DDX27: variants seen among roughly 807,000 people sequenced by gnomAD.
The protein encoded by DDX27 is probable ATP-dependent RNA helicase DDX27.
A neutral mutation model predicts 99.3 loss-of-function variants in DDX27; 42 were observed. The observed-to-expected ratio is 0.42, with a 90% CI of 0.33 to 0.55. DDX27 has a LOEUF of 0.55. DDX27 is among the 20% of genes least tolerant of loss of function. The probability of loss-of-function intolerance (pLI) is 0.07; values close to 1 mark genes in which losing one functional copy is unlikely to be tolerated. For synonymous variants in DDX27, 329 were observed against 353.8 expected, an observed-to-expected ratio of 0.93 and a Z score of 0.79; for missense variants, 798 against 976.8, an observed-to-expected ratio of 0.82 and a Z score of 2.44.
At chr20:49,224,570 A>C (rs1979808839) in intron 4 of DDX27, among the ~76,000 whole-genome samples, 1 of 151,972 alleles carries the variant, frequency 6.6e-6, no homozygotes, top group Non-Finnish European at 1.5e-5. Context: ...ACCATGTTGG[A>C]CAGGCTGGTC....
chr20:49,233,722 GGCAA>G lies in DDX27; in HGVS notation c.1273+16_1273+19del. The G allele has an allele frequency of 6.2e-7, 1 of 1,607,862 alleles. No individual in the cohort carries two copies. The highest frequency in any genetic ancestry group is 8.5e-7 in the Non-Finnish European group (1 of 1,175,606). ...GCCATCGTGGCAGGTGGCAGCACAG[GGCAA>G]GCCTGGGCAGGGTGGGCTGGTCAGC... On this transcript the variant is annotated intron_variant, in intron 11 of 20. Coordinates refer to ENST00000618172, the MANE Select transcript of DDX27 (RefSeq NM_017895.8).
intron 8 of DDX27, 124 bp downstream of exon 8, chr20:49,229,012 C>A: frequency 4.0e-6 from 3 of 742,552 alleles, no homozygotes; most frequent in South Asian, 3.6e-5. Flanking sequence ...TGATTGAATC[C>A]ACTTAAAAAC....
intron 2 of DDX27, 39 bp from the exon 3 acceptor site, chr20:49,222,918 A>G (rs780351053): frequency 2.1e-5 from 32 of 1,537,914 alleles, no homozygotes; most frequent in Non-Finnish European, 2.6e-5. Context: ...CGATGTTTCA[A>G]TGAAAATTTC....
chr20:49,235,158 G>T, intron 12 of DDX27, 70 bp downstream of exon 12: 1 of 1,495,362 alleles, frequency 6.7e-7, no homozygotes, highest in Non-Finnish European at 8.9e-7. Context: ...GGAAGAAGAG[G>T]ACCCTGAGCA....
intron 4 of DDX27, among the ~76,000 whole-genome samples, 187 bp downstream of exon 4, chr20:49,223,620 C>T (rs975456591): frequency 4.0e-5 from 6 of 150,662 alleles, no homozygotes; most frequent in Non-Finnish European, 8.8e-5. Flanking sequence ...GTGGCTCATG[C>T]CTGTAATCCC....
At chr20:49,240,776 A>T (rs1980452766) in intron 16 of DDX27, among the ~76,000 whole-genome samples, 1 of 151,810 alleles carries the variant, frequency 6.6e-6, no homozygotes, top group African/African-American at 2.4e-5. Context: ...ATATGAGTAG[A>T]TTGTTGAGGG....
Position 49,230,715 on chromosome 20 carries a change from C to T in DDX27, c.1031+366C>T, listed in dbSNP as rs147920359. ...AGGAGGGAGGAAGAGGAAGTGCCAG[C>T]GTGGCTCCCACAGGGCCTCTGTGAC... On this transcript the variant is annotated intron_variant, in intron 9 of 20. Coordinates refer to ENST00000618172, the MANE Select transcript of DDX27 (RefSeq NM_017895.8). 3.9e-3 allele frequency among the ~76,000 whole-genome samples: 589 copies of T among 152,288 alleles called. 3 individuals carry two copies. Among genetic ancestry groups the T allele is most frequent in the African/African-American group, 0.013 (537 of 41,564 alleles).
At chr20:49,219,615 C>T in intron 1 of DDX27, 74 bp downstream of exon 1, 1 of 1,448,272 alleles carries the variant, frequency 6.9e-7, no homozygotes, top group Non-Finnish European at 9.3e-7. Context: ...TCCCTGTCCC[C>T]GAATCCTCAT....
rs377243482 is a variant in DDX27 at position 49,235,116 on chromosome 20, C to G, written c.1427+28C>G. On this transcript the variant is annotated intron_variant, in intron 12 of 20. Coordinates refer to ENST00000618172, the MANE Select transcript of DDX27 (RefSeq NM_017895.8). ...AACATTTGGGGTGGGGACTGAGGCT[C>G]CCACCATCCTTCTGGGGCAGAGAGG... 11 of 1,562,984 alleles carry G rather than the reference C, an allele frequency of 7.0e-6. No homozygotes were observed. In the African/African-American group the frequency reaches 1.5e-4, roughly 21 times the overall value.
intron 19 of DDX27, 114 bp from the exon 20 acceptor site, chr20:49,243,515 A>C: frequency 1.1e-6 from 1 of 899,450 alleles, no homozygotes; most frequent in Non-Finnish European, 1.8e-6. Context: ...GGGCCTGAAA[A>C]TGATGCATCC....
intron 11 of DDX27, 128 bp from the exon 12 acceptor site, chr20:49,234,807 C>G (rs1247213208): frequency 8.8e-7 from 1 of 1,134,176 alleles, no homozygotes; most frequent in African/African-American, 1.6e-5. Flanking sequence ...ATTTGAGTTC[C>G]ACAGGACAGG....
chr20:49,224,019 C>T (rs934919825), intron 4 of DDX27, among the ~76,000 whole-genome samples: 1 of 151,888 alleles, frequency 6.6e-6, no homozygotes, highest in South Asian at 2.1e-4. Flanking sequence ...GCTGGGCCTA[C>T]AGGTGCATGC....
chr20:49,242,145 G>C lies in DDX27; in HGVS notation c.2055G>C (p.Lys685Asn). ...AGATGTTTGCTGAACGGCTAGCGAAGAGGAATCGCAGAGCCAAGCGGGCCC... is the reference window on the plus strand; with the variant it reads ...AGATGTTTGCTGAACGGCTAGCGAACAGGAATCGCAGAGCCAAGCGGGCCC... ...KAQMFAERLAKRNRRAKRARA... is the reference protein window; with the variant it reads ...KAQMFAERLANRNRRAKRARA... Residue 685 changes from lysine to asparagine, a missense_variant, in exon 18 of 21, where the codon AAG (lysine) becomes AAC (asparagine). By Grantham distance (94) the Lys-to-Asn change is moderately conservative. Transcript: ENST00000618172. The C allele has an allele frequency of 1.9e-6, 3 of 1,614,226 alleles. No homozygotes were observed. In the East Asian group the frequency reaches 6.7e-5, roughly 36 times the overall value.
In DDX27 at chr20:49,233,705, G is replaced by A. The variant is rs1466630169; in HGVS notation, c.1269G>A (p.Val423=). 3 of 1,613,224 alleles carry A rather than the reference G, an allele frequency of 1.9e-6. No homozygotes were observed. The highest frequency in any genetic ancestry group is 1.7e-4 in the Middle Eastern group (1 of 5,992). ...GTGAAGGAGACCGGGAAGCCATCGT[G>A]GCAGGTGGCAGCACAGGGCAAGCCT... ...PNREGDREAI[V]AALLTRTFTD... The change falls in exon 11 of 21, where the codon GTG becomes GTA. Residue 423 remains valine (V), a synonymous_variant. Coordinates refer to ENST00000618172, the MANE Select transcript of DDX27 (RefSeq NM_017895.8).
chr20:49,224,166 T>G (rs1368727571), intron 4 of DDX27, among the ~76,000 whole-genome samples: 2 of 152,038 alleles, frequency 1.3e-5, no homozygotes, highest in Non-Finnish European at 2.9e-5. Context: ...CGTGAGCCAC[T>G]GTGCCCGCTG....
rs200539083 is a variant in DDX27, at chr20:49,228,806, C to T, written c.798C>T (p.Pro266=). ...APVTRVLVLV[P]TRELGIQVHS... ...TCACCCGCGTGCTGGTGCTAGTGCCCACCCGAGAGCTGGGCATCCAGGTGC... is the reference window on the plus strand; with the variant it reads ...TCACCCGCGTGCTGGTGCTAGTGCCTACCCGAGAGCTGGGCATCCAGGTGC... Residue 266 remains proline, a synonymous_variant, in exon 8 of 21, where the codon CCC becomes CCT. Coordinates refer to ENST00000618172, the MANE Select transcript of DDX27 (RefSeq NM_017895.8). 6.2e-7 allele frequency: 1 copy of T among 1,613,296 alleles called. No individual in the cohort carries two copies. Among genetic ancestry groups the T allele is most frequent in the Non-Finnish European group, 8.5e-7 (1 of 1,179,548 alleles).
At position 49,236,822 on chromosome 20, in the gene DDX27, G is replaced by T. The variant is rs985216330; in HGVS notation, c.1687+312G>T. Among the ~76,000 whole-genome samples the T allele has an allele frequency of 6.6e-5, 10 of 152,156 alleles. No individual in the cohort carries two copies. The highest frequency in any genetic ancestry group is 1.3e-4 in the Admixed American group (2 of 15,256). ...TACTGTTGGTGGTGGGGAAGAGAGA[G>T]ATCAGTACTCATTCTTTTTGGGTCC... On this transcript the variant is annotated intron_variant, in intron 14 of 20. Coordinates refer to ENST00000618172, the MANE Select transcript of DDX27 (RefSeq NM_017895.8). This position sits in a 1 kb window ranked among gnomAD's most constrained non-coding sequence, Gnocchi z 4.1.
chr20:49,224,913 G>A (rs1240376344), intron 4 of DDX27, 32 bp from the exon 5 acceptor site: 1 of 1,613,750 alleles, frequency 6.2e-7, no homozygotes, highest in African/African-American at 1.3e-5. Context: ...GTAAGTCTGA[G>A]CCGTGGTCAT....
chr20:49,227,323 A>G (rs548955495), intron 7 of DDX27, among the ~76,000 whole-genome samples: 3 of 152,236 alleles, frequency 2.0e-5, no homozygotes, highest in Non-Finnish European at 2.9e-5. Context: ...TGGCACTGAT[A>G]CAACAGTGTT....
Sources: gnomAD v4.1 joint callset for allele counts (sites outside exome capture counted in the v4.1 genomes callset) on GRCh38, gnomAD v4.1.1 for gene constraint, Gnocchi (gnomAD v3.1) non-coding constraint, MANE v1.5 for transcripts, NCBI Gene and HGNC (gene_info 2026-07-23, HGNC 2026-07-21) for gene names.